Variants in MEAK7 observed in about 807,000 individuals in gnomAD.
MEAK7 encodes the protein MTOR-associated protein MEAK7.
Under a neutral mutation model 40.5 loss-of-function variants are expected in MEAK7, and 68 were observed. The observed-to-expected ratio is 1.68, with a 90% CI of 1.38 to 2.06. The LOEUF is 2.06. MEAK7 is among the 30% of genes most tolerant of loss of function. The pLI, the probability that MEAK7 is intolerant of heterozygous loss-of-function variation, is 0.00. For missense variants in MEAK7, 918 were observed against 580.5 expected, an observed-to-expected ratio of 1.58 and a Z score of -5.98; for synonymous variants, 338 against 231.9, an observed-to-expected ratio of 1.46 and a Z score of -4.16.
chr16:84,490,653 G>GGTGTGTGTGTGTCTGTGTGT (rs571630201), intron 3 of MEAK7, among the ~76,000 whole-genome samples: 1 of 104,432 alleles, frequency 9.6e-6, no homozygotes, highest in Non-Finnish European at 2.0e-5. Context: ...AGCTAATCAA[G>GGTGTGTGTGTGTCTGTGTGT]ATGTGTGTGT....
intron 4 of MEAK7, 132 bp downstream of exon 4, chr16:84,489,146 A>G: frequency 1.7e-6 from 2 of 1,200,550 alleles, no homozygotes; most frequent in Non-Finnish European, 1.1e-6. Flanking sequence ...CCAACAAACT[A>G]GAAAACCTAG....
At chr16:84,502,004 T>C (rs389079) in intron 1 of MEAK7, among the ~76,000 whole-genome samples, 137,913 of 152,156 alleles carry the variant, frequency 0.91, 63,582 homozygotes, top group East Asian at 1. Context: ...ATTAACCGGG[T>C]GTGGTGGTGC....
intron 6 of MEAK7, among the ~76,000 whole-genome samples, chr16:84,481,924 C>G (rs1295264289): frequency 6.6e-6 from 1 of 151,972 alleles, no homozygotes; most frequent in Non-Finnish European, 1.5e-5. Flanking sequence ...AGAGTGGACT[C>G]CATCTCAAAA....
chr16:84,497,869 C>T, intron 2 of MEAK7, 65 bp downstream of exon 2: 1 of 1,603,578 alleles, frequency 6.2e-7, no homozygotes, highest in East Asian at 2.2e-5. Context: ...AGATTCTGGC[C>T]TGAAAGCCAC....
In MEAK7 at chr16:84,479,028, C is replaced by T. The variant is rs1015983773; in HGVS notation, c.*885G>A. The T allele has an allele frequency of 6.6e-6, 1 of 152,222 alleles. No individual in the cohort carries two copies. The highest frequency in any genetic ancestry group is 1.5e-5 in the Non-Finnish European group (1 of 68,044). The allele number at this position is 152,222 out of a possible 1,614,324, so 9.4% of individuals were successfully genotyped here. ...CAACTTTGCTTCTCTGTAGACAGAT[C>T]TCCCAACTTTCCCATCTGTTCCTCA... On this transcript the variant is annotated 3_prime_UTR_variant, in exon 8 of 8. Coordinates refer to ENST00000343629, the MANE Select transcript of MEAK7 (RefSeq NM_020947.4).
chr16:84,478,179 G>C lies in MEAK7; in HGVS notation c.*1734C>G, dbSNP rs1241944479. The C allele has an allele frequency of 1.3e-5, 2 of 152,144 alleles. No homozygotes were observed. Among genetic ancestry groups the C allele is most frequent in the Admixed American group, 6.5e-5 (1 of 15,268 alleles). 9.4% of individuals were successfully genotyped at this position (152,144 alleles called of 1,614,324 possible). A position where few individuals can be genotyped will look rare whatever the true frequency, so the allele number is the denominator to read the frequency against. ...TTGGACTTACGGTAGAGATGCTTGA[G>C]GATCCTAATATTCTACTTCTGCCAA... On this transcript the variant is annotated 3_prime_UTR_variant, in exon 8 of 8. Transcript: ENST00000343629.
chr16:84,486,351 CTGTGGCT>C (rs1913053702), intron 5 of MEAK7: 9 of 905,158 alleles, frequency 9.9e-6, no homozygotes, highest in Non-Finnish European at 1.3e-5. Flanking sequence ...TCGGAGGCAT[CTGTGGCT>C]TGACTTCTCC....
chr16:84,488,684 A>G (rs1913302665), intron 4 of MEAK7, among the ~76,000 whole-genome samples: 1 of 152,230 alleles, frequency 6.6e-6, no homozygotes, highest in African/African-American at 2.4e-5. Flanking sequence ...ACACACTGTT[A>G]CATAGCCAGT....
intron 1 of MEAK7, chr16:84,504,183 G>A (rs1364842124): frequency 2.0e-6 from 2 of 984,044 alleles, no homozygotes; most frequent in African/African-American, 3.5e-5. Context: ...CAGAATACAA[G>A]AAGGAAAACC....
chr16:84,479,758 A>G lies in MEAK7; in HGVS notation c.*155T>C. Reference sequence around the variant, plus strand: ...CACCCATGAGTCAGGACATGGCTTCAGAGGGCGTCTTCTTGGCACATGTGG... The same window carrying G: ...CACCCATGAGTCAGGACATGGCTTCGGAGGGCGTCTTCTTGGCACATGTGG... On this transcript the variant is annotated 3_prime_UTR_variant, in exon 8 of 8. Transcript: ENST00000343629. The G allele has an allele frequency of 4.4e-6, 2 of 458,796 alleles. No individual in the cohort carries two copies. The highest frequency in any genetic ancestry group is 7.8e-6 in the Non-Finnish European group (2 of 257,788). 28.4% of individuals were successfully genotyped at this position (458,796 alleles called of 1,614,324 possible).
intron 1 of MEAK7, chr16:84,503,863 C>T: frequency 1.1e-6 from 1 of 893,962 alleles, no homozygotes; most frequent in Non-Finnish European, 1.3e-6. Context: ...CTCCAACAGG[C>T]TGTTACATGG....
rs949730128 is a variant in MEAK7, at chr16:84,477,103, C to G, written c.*2810G>C. On this transcript the variant is annotated 3_prime_UTR_variant, in exon 8 of 8. Coordinates refer to ENST00000343629, the MANE Select transcript of MEAK7 (RefSeq NM_020947.4). ...AGAGATGGGTTTTCGCCATGTTGCC[C>G]AGGCTGGTCTTGAACTCCTGGGCTC... 15 of 152,390 alleles carry G rather than the reference C, an allele frequency of 9.8e-5. No homozygotes were observed. The highest frequency in any genetic ancestry group is 3.4e-4 in the African/African-American group (14 of 41,532). 9.4% of individuals were successfully genotyped at this position (152,390 alleles called of 1,614,324 possible).
chr16:84,485,635 T>TATCG (rs142381017), intron 5 of MEAK7, among the ~76,000 whole-genome samples: 14 of 98,320 alleles, frequency 1.4e-4, no homozygotes, highest in Admixed American at 7.0e-4. Context: ...AAAAACTATC[T>TATCG]ATCTATCCAT....
chr16:84,495,583 T>C (rs1913968617), intron 3 of MEAK7, 100 bp downstream of exon 3: 1 of 1,080,174 alleles, frequency 9.3e-7, no homozygotes, highest in Non-Finnish European at 1.4e-6. Context: ...AAATACTTTT[T>C]GGTTTACTCC....
chr16:84,494,002 C>A (rs1340748507), intron 3 of MEAK7, among the ~76,000 whole-genome samples: 1 of 152,022 alleles, frequency 6.6e-6, no homozygotes, highest in African/African-American at 2.4e-5. Flanking sequence ...CAGATAAATT[C>A]TTGGCTAGGC....
chr16:84,493,369 G>T (rs993780513), intron 3 of MEAK7, among the ~76,000 whole-genome samples: 1 of 152,168 alleles, frequency 6.6e-6, no homozygotes, highest in Non-Finnish European at 1.5e-5. Flanking sequence ...CAGAGATTGT[G>T]CTGTTGGAAT....
At chr16:84,488,737 G>T (rs1913307678) in intron 4 of MEAK7, among the ~76,000 whole-genome samples, 1 of 152,150 alleles carries the variant, frequency 6.6e-6, no homozygotes, top group Non-Finnish European at 1.5e-5. Flanking sequence ...AAAATATTGA[G>T]ATCAATGAAA....
Position 84,486,796 on chromosome 16 carries a change from G to A in MEAK7, c.793C>T (p.Arg265Cys), listed in dbSNP as rs146062987. ...NAQLPREQRH[R>C]WCLLFSSELH... ...TCAGACGAAAAGAGCAGGCACCAGC[G>A]GTGCCGCTGCTCCCGAGGCAGCTGG... The change falls in exon 5 of 8, where the codon CGC becomes TGC. Residue 265 changes from arginine (R) to cysteine (C), a missense_variant. Coordinates refer to ENST00000343629, the MANE Select transcript of MEAK7 (RefSeq NM_020947.4). 52 of 1,613,866 alleles carry A rather than the reference G, an allele frequency of 3.2e-5. No homozygotes were observed. The African/African-American group carries it at 4.5e-4, about 14-fold the overall frequency.
intron 3 of MEAK7, among the ~76,000 whole-genome samples, chr16:84,492,569 T>C (rs1913708786): frequency 6.8e-6 from 1 of 146,702 alleles, no homozygotes; most frequent in African/African-American, 2.5e-5. Context: ...AAGTGTTTTA[T>C]TTTATTTATT....
Sources: allele counts gnomAD v4.1 joint callset (sites outside exome capture counted in the v4.1 genomes callset), GRCh38; gene constraint gnomAD v4.1.1; transcripts MANE v1.5; gene names NCBI Gene and HGNC (gene_info 2026-07-23, HGNC 2026-07-21).